Variants in CACNA2D3 observed in about 807,000 individuals in gnomAD.
The protein encoded by CACNA2D3 is voltage-dependent calcium channel subunit alpha-2/delta-3.
Under a neutral mutation model 160.6 loss-of-function variants are expected in CACNA2D3, and 60 were observed. The observed-to-expected ratio is 0.37, with a 90% CI of 0.30 to 0.46. The LOEUF (loss-of-function observed/expected upper bound fraction) is 0.46. CACNA2D3 is among the 20% of genes least tolerant of loss of function. CACNA2D3 has a pLI of 1.00. For missense variants in CACNA2D3, 1,205 were observed against 1,365.0 expected, an observed-to-expected ratio of 0.88 and a Z score of 1.85; for synonymous variants, 558 against 492.9, an observed-to-expected ratio of 1.13 and a Z score of -1.75.
chr3:54,288,440 C>T (rs544112264), intron 2 of CACNA2D3, among the ~76,000 whole-genome samples: 5 of 152,086 alleles, frequency 3.3e-5, no homozygotes, highest in Non-Finnish European at 5.9e-5. Flanking sequence ...ATAGCTTACC[C>T]ACCAAAAAGA....
chr3:54,173,167 T>G (rs1205557817), intron 2 of CACNA2D3, among the ~76,000 whole-genome samples: 1 of 152,232 alleles, frequency 6.6e-6, no homozygotes, highest in Non-Finnish European at 1.5e-5. Flanking sequence ...CCATGAAGTC[T>G]CAGAGTGGAG....
intron 12 of CACNA2D3, among the ~76,000 whole-genome samples, chr3:54,761,768 A>C (rs1702084612): frequency 6.6e-6 from 1 of 152,268 alleles, no homozygotes; most frequent in South Asian, 2.1e-4. Context: ...GTGACAATGC[A>C]TGCTAATTAG....
At chr3:54,451,229 C>CT (rs71074970) in intron 4 of CACNA2D3, among the ~76,000 whole-genome samples, 3,353 of 51,616 alleles carry the variant, frequency 0.065, 953 homozygotes, top group African/African-American at 0.071. Context: ...ATATAATAAT[C>CT]TTTTTTTTTT....
In CACNA2D3 at chr3:54,393,580, C is replaced by T. The variant is rs112080430; in HGVS notation, c.381+6806C>T. 2.6e-3 allele frequency among the ~76,000 whole-genome samples: 396 copies of T among 152,334 alleles called. 4 individuals carry two copies. The highest frequency in any genetic ancestry group is 8.7e-3 in the African/African-American group (360 of 41,578). On this transcript the variant is annotated intron_variant, in intron 4 of 37. Coordinates refer to ENST00000474759, the MANE Select transcript of CACNA2D3 (RefSeq NM_018398.3). ...TCTACCTACCCCTCCCAGTCACTAT[C>T]GTGCTTCGCCCCTCAGAGCTTAAGC...
chr3:54,877,281 A>G (rs549339885), intron 18 of CACNA2D3: 1 of 152,382 alleles, frequency 6.6e-6, no homozygotes, highest in Admixed American at 6.5e-5. Context: ...CCGAATCCTG[A>G]TGCTTTAAGC....
At chr3:54,211,377 T>G (rs1701367934) in intron 2 of CACNA2D3, among the ~76,000 whole-genome samples, 2 of 152,222 alleles carry the variant, frequency 1.3e-5, no homozygotes, top group Admixed American at 1.3e-4. Flanking sequence ...TGTGCTCTTA[T>G]CCACAGTGCC....
At chr3:54,558,009 T>G (rs1204382033) in intron 5 of CACNA2D3, among the ~76,000 whole-genome samples, 1 of 152,192 alleles carries the variant, frequency 6.6e-6, no homozygotes. Flanking sequence ...TTCTGTGGAC[T>G]CTAGAGCTGT....
At chr3:54,647,250 C>T (rs1425827097) in intron 11 of CACNA2D3, among the ~76,000 whole-genome samples, 1 of 152,118 alleles carries the variant, frequency 6.6e-6, no homozygotes, top group African/African-American at 2.4e-5. Context: ...TGTTTTAAGC[C>T]ACTACATTTA....
At chr3:54,781,705 G>T (rs9836083) in intron 13 of CACNA2D3, among the ~76,000 whole-genome samples, 2 of 152,252 alleles carry the variant, frequency 1.3e-5, no homozygotes, top group Non-Finnish European at 2.9e-5. Flanking sequence ...CAGTGAGGCT[G>T]TAACAAGTCT....
At chr3:54,251,925 T>C (rs959015005) in intron 2 of CACNA2D3, among the ~76,000 whole-genome samples, 73 of 152,320 alleles carry the variant, frequency 4.8e-4, no homozygotes, top group African/African-American at 1.6e-3. Context: ...CCCTGGTGTT[T>C]TACTGTTCCA....
intron 2 of CACNA2D3, among the ~76,000 whole-genome samples, chr3:54,138,053 G>A (rs1028921472): frequency 1.3e-5 from 2 of 152,168 alleles, no homozygotes; most frequent in East Asian, 1.9e-4. Flanking sequence ...TCACCACTGC[G>A]ACGATCCCAT....
At chr3:54,389,149 G>A (rs1699238101) in intron 4 of CACNA2D3, among the ~76,000 whole-genome samples, 1 of 152,080 alleles carries the variant, frequency 6.6e-6, no homozygotes, top group Admixed American at 6.6e-5. Flanking sequence ...ACAAAAATTA[G>A]CCGGGCATGG....
intron 31 of CACNA2D3, among the ~76,000 whole-genome samples, chr3:54,994,634 C>G (rs914182794): frequency 3.3e-5 from 5 of 152,202 alleles, no homozygotes; most frequent in African/African-American, 1.2e-4. Flanking sequence ...TTATTAAATA[C>G]TAACTATAGG....
intron 27 of CACNA2D3, among the ~76,000 whole-genome samples, chr3:54,959,596 G>A (rs1701982673): frequency 6.6e-6 from 1 of 152,056 alleles, no homozygotes; most frequent in South Asian, 2.1e-4. Context: ...TTATTAGGTG[G>A]TGACCTAATA....
At chr3:54,939,547 G>A (rs1425123980) in intron 27 of CACNA2D3, among the ~76,000 whole-genome samples, 1 of 152,232 alleles carries the variant, frequency 6.6e-6, no homozygotes, top group East Asian at 1.9e-4. Flanking sequence ...CTGTCTGTCT[G>A]CTGTGGCCAG....
intron 11 of CACNA2D3, among the ~76,000 whole-genome samples, chr3:54,723,414 C>T (rs543813545): frequency 7.9e-5 from 12 of 152,310 alleles, no homozygotes; most frequent in African/African-American, 2.9e-4. Context: ...TTCTGTCTTG[C>T]TGGCATTCCA....
Position 54,937,604 on chromosome 3 carries a change from A to G in CACNA2D3, c.2450-30846A>G, listed in dbSNP as rs760689639. On this transcript the variant is annotated intron_variant, in intron 27 of 37. Coordinates refer to ENST00000474759, the MANE Select transcript of CACNA2D3 (RefSeq NM_018398.3). Reference sequence around the variant, plus strand: ...ATTAAAAGTGCAAGGAAAAAGAGGTACATGGTTCCATAAGAGAATGCAGTC... The same window carrying G: ...ATTAAAAGTGCAAGGAAAAAGAGGTGCATGGTTCCATAAGAGAATGCAGTC... Among the ~76,000 whole-genome samples, 16 of 152,368 alleles carry G rather than the reference A, an allele frequency of 1.1e-4. 1 individual carries two copies. The highest frequency in any genetic ancestry group is 1.8e-4 in the Non-Finnish European group (12 of 68,036).
intron 35 of CACNA2D3, among the ~76,000 whole-genome samples, chr3:55,058,656 C>T (rs901339572): frequency 6.6e-6 from 1 of 151,500 alleles, no homozygotes; most frequent in Non-Finnish European, 1.5e-5. Flanking sequence ...AGTTATTATT[C>T]CATGGTTCTT....
intron 2 of CACNA2D3, among the ~76,000 whole-genome samples, chr3:54,282,676 T>G (rs1702907838): frequency 6.6e-6 from 1 of 152,216 alleles, no homozygotes; most frequent in South Asian, 2.1e-4. Flanking sequence ...GCAATGAGCT[T>G]CATGAATTTA....
Sources: allele counts gnomAD v4.1 joint callset (sites outside exome capture counted in the v4.1 genomes callset), GRCh38; gene constraint gnomAD v4.1.1; transcripts MANE v1.5; gene names NCBI Gene and HGNC (gene_info 2026-07-23, HGNC 2026-07-21).